CHD2: variants seen among roughly 807,000 people sequenced by gnomAD.
CHD2 encodes chromodomain helicase DNA binding protein 2.
CHD2 carries 28 observed loss-of-function variants against 243.9 expected under a neutral mutation model. The observed-to-expected ratio is 0.11, with a 90% CI of 0.09 to 0.16. The LOEUF is 0.16. CHD2 is among the 10% of genes least tolerant of loss of function. CHD2 has a pLI of 1.00. For missense variants in CHD2, 1,386 were observed against 2,209.8 expected (o/e 0.63, Z 7.47); for synonymous variants, 775 against 779.0 (o/e 0.99, Z 0.09).
At position 93,020,163 on chromosome 15, in the gene CHD2, C is replaced by T. The variant is rs199851404; in HGVS notation, c.5058C>T (p.Ser1686=). ...GGCGACATATGGATGCCCACCGTTC[C>T]GGAAGCTATCGACCCAACAACATGT... The part of the protein sequence containing the change: ...GDRRHMDAHR[S]GSYRPNNMSR... The change falls in exon 38 of 39, where the codon TCC becomes TCT. Residue 1686 remains serine, a synonymous_variant. Transcript: ENST00000394196. 30 of 1,614,018 alleles carry T rather than the reference C, an allele frequency of 1.9e-5. No homozygotes were observed. The East Asian group carries it at 4.7e-4, about 25-fold the overall frequency.
At chr15:92,979,394 T>TG in intron 22 of CHD2, 111 bp downstream of exon 22, 1 of 1,335,948 alleles carries the variant, frequency 7.5e-7, no homozygotes, top group Non-Finnish European at 1.0e-6. Context: ...ACCTGGAAGA[T>TG]GCCAGGCCAG....
chr15:92,975,063 C>T, intron 20 of CHD2, 113 bp downstream of exon 20: 1 of 810,156 alleles, frequency 1.2e-6, no homozygotes. Context: ...AATTCTTTTG[C>T]CTTGAGAAGA....
chr15:92,976,675 C>T (rs939124961), intron 20 of CHD2, among the ~76,000 whole-genome samples: 4 of 151,498 alleles, frequency 2.6e-5, no homozygotes, highest in African/African-American at 9.7e-5. Context: ...AAAAAGTTTC[C>T]CCATGTTATT....
intron 16 of CHD2, among the ~76,000 whole-genome samples, chr15:92,962,980 T>C (rs1407376247): frequency 6.6e-6 from 1 of 152,226 alleles, no homozygotes; most frequent in African/African-American, 2.4e-5. Context: ...CCTGTTTGCA[T>C]GATATATTGT....
chr15:92,939,049 T>C (rs1045496799), intron 6 of CHD2, among the ~76,000 whole-genome samples: 1 of 132,228 alleles, frequency 7.6e-6, no homozygotes, highest in African/African-American at 2.5e-5. Context: ...AAAAAACTCT[T>C]TTTTTTTTTC....
chr15:92,930,764 A>T (rs1455947064), intron 5 of CHD2, among the ~76,000 whole-genome samples: 1 of 152,148 alleles, frequency 6.6e-6, no homozygotes, highest in Non-Finnish European at 1.5e-5. Flanking sequence ...GGCAACCTTC[A>T]GTAGCATATA....
intron 2 of CHD2, among the ~76,000 whole-genome samples, chr15:92,906,846 C>T (rs1284722299): frequency 2.0e-5 from 3 of 152,090 alleles, no homozygotes; most frequent in Non-Finnish European, 4.4e-5. Context: ...GGCTTGGTTA[C>T]ACTGGGTGTG....
At chr15:92,911,616 TA>T (rs2052736927) in intron 2 of CHD2, among the ~76,000 whole-genome samples, 2 of 152,064 alleles carry the variant, frequency 1.3e-5, no homozygotes, top group Admixed American at 1.3e-4. Context: ...TGCACTCCTG[TA>T]ATACCGGCTA....
intron 2 of CHD2, among the ~76,000 whole-genome samples, chr15:92,908,003 A>ATTTTTTTTTTTTTTTTTTTTTTTT (rs71877681): frequency 3.7e-5 from 4 of 107,642 alleles, no homozygotes; most frequent in Non-Finnish European, 3.6e-5. Context: ...CTCTCTTAGA[A>ATTTTTTTTTTTTTTTTTTTTTTTT]TTTTTTTTTT....
Position 92,942,897 on chromosome 15 carries a change from G to T in CHD2, c.881G>T (p.Gly294Val), listed in dbSNP as rs771390521. ...YAIEANGDPSGDFDTEKDEGE... is the reference protein window; with the variant it reads ...YAIEANGDPSVDFDTEKDEGE... ...ATTGAAGCTAATGGCGACCCTAGTG[G>T]TGACTTTGACACTGAAAAGGATGAA... Residue 294 changes from glycine to valine, a missense_variant, in exon 9 of 39, where the codon GGT becomes GTT. By Grantham distance (109) the Gly-to-Val change is moderately radical. Transcript: ENST00000394196. 4.6e-5 allele frequency: 74 copies of T among 1,613,882 alleles called. No homozygotes were observed. The highest frequency in any genetic ancestry group is 5.8e-5 in the Non-Finnish European group (69 of 1,179,964).
chr15:92,984,040 A>G (rs1370066163), intron 24 of CHD2, among the ~76,000 whole-genome samples: 2 of 152,210 alleles, frequency 1.3e-5, no homozygotes, highest in Non-Finnish European at 2.9e-5. Context: ...TAGAACATGT[A>G]TATGATTTAT....
chr15:92,907,687 A>C (rs1292309005), intron 2 of CHD2, among the ~76,000 whole-genome samples: 1 of 152,222 alleles, frequency 6.6e-6, no homozygotes, highest in Non-Finnish European at 1.5e-5. Flanking sequence ...TCATTGGGTC[A>C]TGAAGATTAA....
chr15:92,963,210 T>A (rs1426580842), intron 16 of CHD2, among the ~76,000 whole-genome samples: 1 of 152,232 alleles, frequency 6.6e-6, no homozygotes, highest in Non-Finnish European at 1.5e-5. Flanking sequence ...ATTTCTGCTA[T>A]TTTACTATTT....
chr15:92,952,545 A>T (rs1167344399), intron 13 of CHD2, among the ~76,000 whole-genome samples: 1 of 152,190 alleles, frequency 6.6e-6, no homozygotes, highest in Non-Finnish European at 1.5e-5. Flanking sequence ...GATCCCTCAC[A>T]TGTGTAGTTC....
chr15:92,936,911 G>A (rs2053276555), intron 5 of CHD2, among the ~76,000 whole-genome samples: 1 of 152,070 alleles, frequency 6.6e-6, no homozygotes, highest in African/African-American at 2.4e-5. Context: ...GAGTACAGTG[G>A]CAAAATCACA....
intron 5 of CHD2, among the ~76,000 whole-genome samples, chr15:92,935,145 C>T (rs2053242878): frequency 1.3e-5 from 2 of 151,720 alleles, no homozygotes; most frequent in African/African-American, 4.8e-5. Flanking sequence ...ACGCCATTCT[C>T]CTGCCTCAGC....
rs138502435 is a variant in CHD2 at position 92,998,133 on chromosome 15, C to T, written c.3886-366C>T. 2.7e-4 allele frequency: 265 copies of T among 997,238 alleles called. 4 individuals carry two copies. The East Asian group carries it at 0.015, about 57-fold the overall frequency. The allele number at this position is 997,238 out of a possible 1,614,324, so 61.8% of individuals were successfully genotyped here. ...TCTAAGAAGCATTTTCAATCTAAAA[C>T]GAAGCTTTAACCTAGCTCCAGGGAT... On this transcript the variant is annotated intron_variant, in intron 30 of 38. Transcript: ENST00000394196. This position sits in a 1 kb window ranked among gnomAD's most constrained non-coding sequence, Gnocchi z 5.1.
At chr15:92,933,248 G>A (rs1405385658) in intron 5 of CHD2, among the ~76,000 whole-genome samples, 1 of 152,104 alleles carries the variant, frequency 6.6e-6, no homozygotes, top group Non-Finnish European at 1.5e-5. Flanking sequence ...ACAGCACAAT[G>A]GACCTGCACA....
At position 92,900,641 on chromosome 15, in the gene CHD2, C is replaced by A. The variant is rs2052515946; in HGVS notation, c.-255C>A. 2.6e-6 allele frequency: 1 copy of A among 389,440 alleles called. No individual in the cohort carries two copies. Among genetic ancestry groups the A allele is most frequent in the Non-Finnish European group, 4.5e-6 (1 of 221,480 alleles). 24.1% of individuals were successfully genotyped at this position (389,440 alleles called of 1,614,324 possible). ...GCGCTCTCCTAATGAGGTTTTTTTT[C>A]TTTCGGACCTGTTTTAGTATTAATT... is the stretch of plus-strand genomic sequence containing the variant. On this transcript the variant is annotated 5_prime_UTR_variant, in exon 1 of 39. Coordinates refer to ENST00000394196, the MANE Select transcript of CHD2 (RefSeq NM_001271.4).
Sources: gnomAD v4.1 joint callset for allele counts (sites outside exome capture counted in the v4.1 genomes callset) on GRCh38, gnomAD v4.1.1 for gene constraint, Gnocchi (gnomAD v3.1) non-coding constraint, MANE v1.5 for transcripts, NCBI Gene and HGNC (gene_info 2026-07-23, HGNC 2026-07-21) for gene names.